Variants in ACTN1 observed in about 807,000 individuals in gnomAD.
The protein encoded by ACTN1 is actinin alpha 1, also known as alpha-actinin-1.
In ACTN1, 30 loss-of-function variants were observed where a neutral mutation model predicts 119.6. The observed-to-expected ratio is 0.25, with a 90% CI of 0.19 to 0.34. ACTN1 has a LOEUF of 0.34. Among genes scored for constraint, ACTN1 ranks in the 10% least tolerant of loss-of-function variants. ACTN1 has a pLI of 1.00. For missense variants in ACTN1, 764 were observed against 1,223.4 expected, an observed-to-expected ratio of 0.62 and a Z score of 5.60; for synonymous variants, 429 against 472.6, an observed-to-expected ratio of 0.91 and a Z score of 1.20.
intron 8 of ACTN1, among the ~76,000 whole-genome samples, chr14:68,898,486 G>A (rs1385326711): frequency 2.0e-5 from 3 of 152,186 alleles, no homozygotes; most frequent in Non-Finnish European, 2.9e-5. Context: ...AAGGTTGGGC[G>A]ACAGAAAGAC....
intron 1 of ACTN1, among the ~76,000 whole-genome samples, chr14:68,933,979 A>C: frequency 8.0e-6 from 1 of 124,560 alleles, no homozygotes; most frequent in African/African-American, 2.6e-5. Context: ...CCCTGTCTCA[A>C]GAAAAAAAAA....
rs779700207 is a variant in ACTN1 at position 68,925,661 on chromosome 14, T to C, written c.117A>G (p.Ala39=). The change falls in exon 2 of 22, where the codon GCA becomes GCG. Residue 39 remains alanine, a synonymous_variant. Transcript: ENST00000394419. The surrounding 1 kb of genome is among the most constrained non-coding windows in gnomAD (Gnocchi z 4.3). ...CCTTCCGGAGGTGGGAGTTACACCA[T>C]GCCGTGAATGTCTGGGCAGAGACAA... ...WEKQQRKTFT[A]WCNSHLRKAG... The C allele has an allele frequency of 1.2e-6, 2 of 1,611,620 alleles. No homozygotes were observed. Among genetic ancestry groups the C allele is most frequent in the East Asian group, 2.2e-5 (1 of 44,702 alleles).
intron 1 of ACTN1, among the ~76,000 whole-genome samples, chr14:68,961,083 C>G (rs2036521835): frequency 6.6e-6 from 1 of 152,038 alleles, no homozygotes. Flanking sequence ...AACGAAATAA[C>G]AAAAAACCCT....
Position 68,904,640 on chromosome 14 carries a change from G to A in ACTN1, c.676+15C>T, listed in dbSNP as rs1223134822. 5 of 1,612,674 alleles carry A rather than the reference G, an allele frequency of 3.1e-6. No homozygotes were observed. The highest frequency in any genetic ancestry group is 4.2e-6 in the Non-Finnish European group (5 of 1,178,816). Reference sequence around the variant, plus strand: ...GGGCGATGGGCAAGAGACACAGAAGGAAAGCGCCTTTCACCTTCGGCATCC... The same window carrying A: ...GGGCGATGGGCAAGAGACACAGAAGAAAAGCGCCTTTCACCTTCGGCATCC... On this transcript the variant is annotated intron_variant, in intron 7 of 21. Coordinates refer to ENST00000394419, the MANE Select transcript of ACTN1 (RefSeq NM_001130004.2).
At chr14:68,908,256 T>A (rs1274466051) in intron 6 of ACTN1, among the ~76,000 whole-genome samples, 6 of 152,086 alleles carry the variant, frequency 3.9e-5, no homozygotes, top group Admixed American at 3.9e-4. Flanking sequence ...CTCAAGATCC[T>A]TTTTGGCAGC....
intron 9 of ACTN1, 96 bp from the exon 10 acceptor site, chr14:68,892,379 G>T: frequency 7.7e-7 from 1 of 1,296,686 alleles, no homozygotes; most frequent in Non-Finnish European, 1.1e-6. Flanking sequence ...CTCCCACATG[G>T]GGAAGGGGTC....
chr14:68,946,946 G>GC (rs1234706152), intron 1 of ACTN1, among the ~76,000 whole-genome samples: 2 of 152,334 alleles, frequency 1.3e-5, no homozygotes, highest in Non-Finnish European at 2.9e-5. Flanking sequence ...CCTCAGGCCA[G>GC]CCCCTTCAAG....
intron 6 of ACTN1, among the ~76,000 whole-genome samples, chr14:68,905,998 A>G (rs2033644754): frequency 1.3e-5 from 2 of 151,792 alleles, no homozygotes; most frequent in South Asian, 4.2e-4. Flanking sequence ...AAAAAAAAAA[A>G]ACAGCAAACA....
intron 1 of ACTN1, 147 bp downstream of exon 1, chr14:68,978,805 C>T (rs2037161517): frequency 2.0e-6 from 1 of 488,576 alleles, no homozygotes; most frequent in Non-Finnish European, 3.5e-6. Context: ...CCCAACACCC[C>T]ACCTCGCAAC....
At chr14:68,921,866 A>C (rs2034670006) in intron 2 of ACTN1, among the ~76,000 whole-genome samples, 1 of 151,822 alleles carries the variant, frequency 6.6e-6, no homozygotes, top group Admixed American at 6.6e-5. Context: ...TCAACCCTCC[A>C]CCCCCACCTC....
intron 1 of ACTN1, among the ~76,000 whole-genome samples, chr14:68,946,355 AC>A (rs2140513734): frequency 6.6e-6 from 1 of 152,340 alleles, no homozygotes; most frequent in Non-Finnish European, 1.5e-5. Context: ...GAGGAAGCAG[AC>A]AAGGCAGTGG....
At chr14:68,949,878 C>G (rs2036071550) in intron 1 of ACTN1, among the ~76,000 whole-genome samples, 1 of 152,168 alleles carries the variant, frequency 6.6e-6, no homozygotes, top group South Asian at 2.1e-4. Flanking sequence ...CTATATGATT[C>G]CACTTACATG....
rs1468898333 is a variant in ACTN1, at chr14:68,885,407, G to A, written c.1385+18C>T. 3.1e-6 allele frequency: 5 copies of A among 1,604,090 alleles called. No homozygotes were observed. The highest frequency in any genetic ancestry group is 3.4e-6 in the Non-Finnish European group (4 of 1,173,878). The stretch of plus-strand genomic sequence containing the variant: ...CTCAGCCCCTCACCACAGGGTAGGG[G>A]TGTCTGGGGCCACCTACTTGAGCTC... On this transcript the variant is annotated intron_variant, in intron 12 of 21. Coordinates refer to ENST00000394419, the MANE Select transcript of ACTN1 (RefSeq NM_001130004.2). The surrounding 1 kb of genome is among the most constrained non-coding windows in gnomAD (Gnocchi z 5.6).
At chr14:68,964,950 C>A (rs1376550970) in intron 1 of ACTN1, among the ~76,000 whole-genome samples, 1 of 152,198 alleles carries the variant, frequency 6.6e-6, no homozygotes, top group Non-Finnish European at 1.5e-5. Flanking sequence ...CAGGGTGCAG[C>A]TGCCTGCATG....
At chr14:68,964,917 G>A (rs2036657444) in intron 1 of ACTN1, among the ~76,000 whole-genome samples, 1 of 152,162 alleles carries the variant, frequency 6.6e-6, no homozygotes, top group South Asian at 2.1e-4. Context: ...GGGCCCGCAT[G>A]TGGATCACTA....
chr14:68,875,377 G>C (rs1008629429), intron 21 of ACTN1, among the ~76,000 whole-genome samples: 1 of 152,180 alleles, frequency 6.6e-6, no homozygotes, highest in African/African-American at 2.4e-5. Context: ...TAGGTTCCTG[G>C]GGAGACCCCA....
chr14:68,920,989 C>T lies in ACTN1; in HGVS notation c.340+17G>A, dbSNP rs765836810. The T allele has an allele frequency of 5.6e-6, 9 of 1,613,410 alleles. No individual in the cohort carries two copies. Among genetic ancestry groups the T allele is most frequent in the Non-Finnish European group, 7.6e-6 (9 of 1,179,628 alleles). ...AAGAAAATCAGGCTCCTTGGGGCCACCAGAGGTAGGCCTTACCTTCGGCTC... is the reference window on the plus strand; with the variant it reads ...AAGAAAATCAGGCTCCTTGGGGCCATCAGAGGTAGGCCTTACCTTCGGCTC... On this transcript the variant is annotated intron_variant, in intron 3 of 21. Coordinates refer to ENST00000394419, the MANE Select transcript of ACTN1 (RefSeq NM_001130004.2).
chr14:68,936,520 T>C (rs1157031594), intron 1 of ACTN1: 3 of 277,454 alleles, frequency 1.1e-5, no homozygotes, highest in South Asian at 1.3e-4. Flanking sequence ...TTTTTAAGTA[T>C]GCAAATAAAA....
rs367703608 is a variant in ACTN1, at chr14:68,909,918, C to T, written c.515+37G>A. The T allele has an allele frequency of 1.9e-6, 3 of 1,593,014 alleles. No homozygotes were observed. In the African/African-American group the frequency reaches 4.0e-5, roughly 21 times the overall value. ...TCTGGGAGCTCCCGGGGGAGGCAGC[C>T]TGGTTCTGTGAGAGCCCCTCAGACC... On this transcript the variant is annotated intron_variant, in intron 5 of 21. Coordinates refer to ENST00000394419, the MANE Select transcript of ACTN1 (RefSeq NM_001130004.2). The surrounding 1 kb of genome is among the most constrained non-coding windows in gnomAD (Gnocchi z 4.1).
Sources: allele counts gnomAD v4.1 joint callset (sites outside exome capture counted in the v4.1 genomes callset), GRCh38; gene constraint gnomAD v4.1.1; non-coding constraint Gnocchi (gnomAD v3.1); transcripts MANE v1.5; gene names NCBI Gene and HGNC (gene_info 2026-07-23, HGNC 2026-07-21).